The following GRID2 variants were observed in gnomAD, a reference collection of about 807,000 sequenced individuals.
The protein encoded by GRID2 is glutamate ionotropic receptor delta type subunit 2, also known as glutamate receptor ionotropic, delta-2.
Under a neutral mutation model 114.8 loss-of-function variants are expected in GRID2, and 33 were observed. That is an observed-to-expected ratio of 0.29 (90% CI 0.22 to 0.38). GRID2 has a LOEUF of 0.38. Among genes scored for constraint, GRID2 ranks in the 10% least tolerant of loss-of-function variants. The probability of loss-of-function intolerance (pLI) is 1.00; values close to 1 mark genes in which losing one functional copy is unlikely to be tolerated. For synonymous variants in GRID2, 505 were observed against 449.9 expected, an observed-to-expected ratio of 1.12 and a Z score of -1.55; for missense variants, 1,184 against 1,257.7, an observed-to-expected ratio of 0.94 and a Z score of 0.89.
At chr4:92,397,129 A>G (rs1483454507) in intron 1 of GRID2, among the ~76,000 whole-genome samples, 4 of 152,108 alleles carry the variant, frequency 2.6e-5, no homozygotes, top group Admixed American at 2.6e-4. Context: ...TCTTTAAAAT[A>G]ATCATGTAAA....
At chr4:93,339,854 G>A (rs1425668548) in intron 8 of GRID2, among the ~76,000 whole-genome samples, 1 of 147,498 alleles carries the variant, frequency 6.8e-6, no homozygotes, top group East Asian at 1.9e-4. Flanking sequence ...AAGGTGGCAG[G>A]AAGAAGTGCT....
chr4:92,479,981 A>G (rs544813763), intron 1 of GRID2, among the ~76,000 whole-genome samples: 1 of 152,162 alleles, frequency 6.6e-6, no homozygotes, highest in African/African-American at 2.4e-5. Context: ...TCTTTGAAAC[A>G]TTGTAATTAC....
chr4:92,856,901 C>T (rs1008855949), intron 2 of GRID2, among the ~76,000 whole-genome samples: 7 of 152,034 alleles, frequency 4.6e-5, no homozygotes, highest in African/African-American at 1.4e-4. Flanking sequence ...TCTGTCAGTA[C>T]GTTTTAACAA....
intron 14 of GRID2, among the ~76,000 whole-genome samples, chr4:93,748,200 A>G (rs1251298142): frequency 6.6e-6 from 1 of 152,174 alleles, no homozygotes; most frequent in African/African-American, 2.4e-5. Flanking sequence ...GACATTATAC[A>G]GAGAGACACT....
chr4:93,701,194 C>T (rs1415123772), intron 14 of GRID2, among the ~76,000 whole-genome samples: 1 of 152,120 alleles, frequency 6.6e-6, no homozygotes, highest in Admixed American at 6.6e-5. Flanking sequence ...TATCACATGA[C>T]TTGTCCACTT....
intron 1 of GRID2, among the ~76,000 whole-genome samples, chr4:92,527,809 T>C (rs1365398460): frequency 6.6e-6 from 1 of 152,036 alleles, no homozygotes; most frequent in African/African-American, 2.4e-5. Context: ...ACCTGCAACC[T>C]CAAACTTTAC....
At chr4:92,364,531 TAG>T (rs767327880) in intron 1 of GRID2, among the ~76,000 whole-genome samples, 13 of 151,982 alleles carry the variant, frequency 8.6e-5, no homozygotes, top group Non-Finnish European at 1.5e-5. Flanking sequence ...TCATTAAGGG[TAG>T]AGATTATTAT....
rs191214301 is a variant in GRID2, at chr4:92,845,180, A to G, written c.245-239815A>G. On this transcript the variant is annotated intron_variant, in intron 2 of 15. Coordinates refer to ENST00000282020, the MANE Select transcript of GRID2 (RefSeq NM_001510.4). Reference sequence around the variant, plus strand: ...GACCACATACCACACCCTGAAAACCACTGGAATAGAGGCACTTTGATTGAT... The same window carrying G: ...GACCACATACCACACCCTGAAAACCGCTGGAATAGAGGCACTTTGATTGAT... Among the ~76,000 whole-genome samples, 12 of 152,200 alleles carry G rather than the reference A, an allele frequency of 7.9e-5. No individual in the cohort carries two copies. In the East Asian group the frequency reaches 1.4e-3, roughly 17 times the overall value.
At chr4:92,676,551 T>G (rs1400140229) in intron 2 of GRID2, among the ~76,000 whole-genome samples, 1 of 152,142 alleles carries the variant, frequency 6.6e-6, no homozygotes, top group African/African-American at 2.4e-5. Flanking sequence ...TGTTTCTTTG[T>G]ATGTCCTTGA....
intron 4 of GRID2, among the ~76,000 whole-genome samples, chr4:93,145,644 CTTTTTTTTTTTTTTTTTT>C (rs10605313): frequency 4.4e-5 from 2 of 45,702 alleles, no homozygotes; most frequent in African/African-American, 2.3e-4. Context: ...TTCTTTTTTC[CTTTTTTTTTTTTTTTTTT>C]TTTTTTTTTT....
chr4:92,455,326 A>G (rs948374888), intron 1 of GRID2, among the ~76,000 whole-genome samples: 4 of 152,158 alleles, frequency 2.6e-5, no homozygotes, highest in African/African-American at 9.7e-5. Context: ...TGTGAAACTT[A>G]TATTCCAGGA....
chr4:93,760,813 A>T (rs2110309762), intron 14 of GRID2, among the ~76,000 whole-genome samples: 1 of 152,284 alleles, frequency 6.6e-6, no homozygotes, highest in Middle Eastern at 3.4e-3. Flanking sequence ...GTAAATCATA[A>T]TCACTTCCCT....
chr4:93,372,118 T>C (rs988867079), intron 8 of GRID2, among the ~76,000 whole-genome samples: 5 of 152,194 alleles, frequency 3.3e-5, no homozygotes, highest in Non-Finnish European at 7.3e-5. Flanking sequence ...GAATAGCCTC[T>C]GCTTCAAAGA....
intron 4 of GRID2, among the ~76,000 whole-genome samples, chr4:93,152,549 G>A (rs1350878171): frequency 2.0e-5 from 3 of 152,062 alleles, no homozygotes; most frequent in Admixed American, 6.6e-5. Flanking sequence ...GATACATACT[G>A]GTTAGCATGT....
At chr4:92,609,300 G>A (rs956169618) in intron 2 of GRID2, among the ~76,000 whole-genome samples, 1 of 151,530 alleles carries the variant, frequency 6.6e-6, no homozygotes, top group African/African-American at 2.4e-5. Context: ...AATATTTATC[G>A]AGTGTCTATG....
chr4:92,569,164 G>C (rs942127470), intron 1 of GRID2, among the ~76,000 whole-genome samples: 5 of 151,728 alleles, frequency 3.3e-5, no homozygotes, highest in Non-Finnish European at 7.4e-5. Flanking sequence ...CTTGCTACCT[G>C]ACATGTGTCC....
At chr4:92,716,724 A>G (rs1451648533) in intron 2 of GRID2, among the ~76,000 whole-genome samples, 1 of 152,154 alleles carries the variant, frequency 6.6e-6, no homozygotes, top group Non-Finnish European at 1.5e-5. Context: ...CTCCTGAGGA[A>G]ATCCTATTAT....
intron 14 of GRID2, among the ~76,000 whole-genome samples, chr4:93,760,313 C>A (rs1330364082): frequency 6.6e-6 from 1 of 152,088 alleles, no homozygotes; most frequent in Non-Finnish European, 1.5e-5. Context: ...TTCTTTTTCC[C>A]CATACACAGA....
chr4:92,956,921 G>A (rs569808335), intron 2 of GRID2, among the ~76,000 whole-genome samples: 2 of 152,268 alleles, frequency 1.3e-5, no homozygotes, highest in African/African-American at 4.8e-5. Context: ...ATGATGTGGA[G>A]CATATTTTAT....
Sources: allele counts gnomAD v4.1 joint callset (sites outside exome capture counted in the v4.1 genomes callset), GRCh38; gene constraint gnomAD v4.1.1; transcripts MANE v1.5; gene names NCBI Gene and HGNC (gene_info 2026-07-23, HGNC 2026-07-21).